Variants in BICD2 observed in about 807,000 individuals in gnomAD.
The protein encoded by BICD2 is BICD cargo adaptor 2.
A neutral mutation model predicts 72.9 loss-of-function variants in BICD2; 25 were observed. That is an observed-to-expected ratio of 0.34 (90% CI 0.25 to 0.48). BICD2 has a LOEUF of 0.48. Among genes scored for constraint, BICD2 ranks in the 20% least tolerant of loss-of-function variants. The pLI, the probability that BICD2 is intolerant of heterozygous loss-of-function variation, is 0.99. For missense variants in BICD2, 894 were observed against 1,175.2 expected (o/e 0.76, Z 3.50); for synonymous variants, 501 against 516.1 (o/e 0.97, Z 0.40).
Position 92,713,638 on chromosome 9 carries a change from G to A in BICD2, c.*1516C>T, listed in dbSNP as rs1375658969. On this transcript the variant is annotated 3_prime_UTR_variant, in exon 7 of 7. Transcript: ENST00000356884. ...TGGGTGTCTGCAAAGTCCCTTAGGA[G>A]TATGGAGAGAAGCTATGTGCCAGGC... The A allele has an allele frequency of 2.0e-6, 3 of 1,480,036 alleles. No individual in the cohort carries two copies. Among genetic ancestry groups the A allele is most frequent in the Admixed American group, 4.3e-5 (2 of 46,834 alleles). The allele number at this position is 1,480,036 out of a possible 1,614,324, so 91.7% of individuals were successfully genotyped here.
intron 1 of BICD2, among the ~76,000 whole-genome samples, chr9:92,761,057 C>A (rs1854361016): frequency 6.6e-6 from 1 of 152,152 alleles, no homozygotes; most frequent in Admixed American, 6.5e-5. Flanking sequence ...GGGAACAGGG[C>A]TCAGCAAGTC....
intron 2 of BICD2, among the ~76,000 whole-genome samples, chr9:92,723,144 A>G (rs1853498592): frequency 6.6e-6 from 1 of 152,218 alleles, no homozygotes; most frequent in Admixed American, 6.5e-5. Flanking sequence ...AGTAGTGCGC[A>G]GGTGGGCATA....
chr9:92,729,027 C>T lies in BICD2; in HGVS notation c.450G>A (p.Lys150=). The T allele has an allele frequency of 6.2e-7, 1 of 1,613,950 alleles. No homozygotes were observed. The highest frequency in any genetic ancestry group is 1.1e-5 in the South Asian group (1 of 91,072). The change falls in exon 2 of 7, where the codon AAG becomes AAA. Residue 150 remains lysine, a synonymous_variant. Transcript: ENST00000356884. ...AGGCCCCTCCTCACCCCCTCACCTC[C>T]TTCAGCTCCTGGGCCACAGAGGCCA... The part of the protein sequence containing the change: ...ERLASVAQEL[K]EINQNVEIQR...
rs1444368279 is a variant in BICD2 at position 92,718,560 on chromosome 9, A to C, written c.2085T>G (p.Thr695=). Residue 695 remains threonine (T), a synonymous_variant, in exon 5 of 7, where the codon ACT becomes ACG. Transcript: ENST00000356884. ...TKREQITTLR[T]VLKANKQTAE... is the part of the protein sequence containing the mutation. The stretch of plus-strand genomic sequence containing the variant: ...TCACCTGCTTGTTGGCCTTGAGCAC[A>C]GTGCGCAGCGTGGTGATCTGCTCCC... The C allele has an allele frequency of 6.2e-7, 1 of 1,611,890 alleles. No homozygotes were observed. Among genetic ancestry groups the C allele is most frequent in the Non-Finnish European group, 8.5e-7 (1 of 1,179,312 alleles).
At chr9:92,718,066 C>T in intron 5 of BICD2, 118 bp from the exon 6 acceptor site, 1 of 1,277,538 alleles carries the variant, frequency 7.8e-7, no homozygotes, top group Non-Finnish European at 1.1e-6. Flanking sequence ...GAAGAAAGCT[C>T]CTGGGAGGCC....
chr9:92,715,919 C>T (rs1853302623), intron 6 of BICD2, among the ~76,000 whole-genome samples: 1 of 152,204 alleles, frequency 6.6e-6, no homozygotes, highest in Admixed American at 6.5e-5. Flanking sequence ...CAGGACTGGG[C>T]TTGTTCCCAA....
At position 92,715,232 on chromosome 9, in the gene BICD2, A is replaced by G. The variant is rs1853278510; in HGVS notation, c.2490T>C (p.Cys830=). The G allele has an allele frequency of 6.2e-7, 1 of 1,613,162 alleles. No individual in the cohort carries two copies. The highest frequency in any genetic ancestry group is 1.3e-5 in the African/African-American group (1 of 74,958). Residue 830 remains cysteine (C), a synonymous_variant, in exon 7 of 7, where the codon TGT becomes TGC. Coordinates refer to ENST00000356884, the MANE Select transcript of BICD2 (RefSeq NM_001003800.2). ...CGGTGCCCTCGGCCCTGTCGCTGGC[A>G]CAGGCACAGGTGTGACTTACGCTCG... ...ATPSVSHTCA[C]ASDRAEGTGL...
At chr9:92,729,854 C>T (rs1377135521) in intron 1 of BICD2, among the ~76,000 whole-genome samples, 3 of 152,342 alleles carry the variant, frequency 2.0e-5, no homozygotes, top group Admixed American at 6.5e-5. Flanking sequence ...ACAAGGGGCG[C>T]GGGGGCTGCA....
At chr9:92,755,378 C>T (rs1157465053) in intron 1 of BICD2, among the ~76,000 whole-genome samples, 1 of 152,196 alleles carries the variant, frequency 6.6e-6, no homozygotes, top group African/African-American at 2.4e-5. Flanking sequence ...CCTCCACTTG[C>T]CTCATGATAT....
At chr9:92,755,468 A>T (rs1364553807) in intron 1 of BICD2, among the ~76,000 whole-genome samples, 1 of 152,072 alleles carries the variant, frequency 6.6e-6, no homozygotes. Flanking sequence ...CTCCCTAATA[A>T]AAACTTGCTG....
chr9:92,717,564 T>C (rs1372136824), intron 6 of BICD2, among the ~76,000 whole-genome samples: 2 of 152,208 alleles, frequency 1.3e-5, no homozygotes, highest in African/African-American at 2.4e-5. Context: ...GTGGCCCCCA[T>C]ATCGCCTCAC....
At chr9:92,745,768 A>T (rs1853998914) in intron 1 of BICD2, among the ~76,000 whole-genome samples, 4 of 152,090 alleles carry the variant, frequency 2.6e-5, no homozygotes, top group Admixed American at 2.6e-4. Context: ...ACACATCTCC[A>T]TAAACGTTTC....
At chr9:92,763,406 G>A (rs1258281431) in intron 1 of BICD2, among the ~76,000 whole-genome samples, 3 of 152,106 alleles carry the variant, frequency 2.0e-5, no homozygotes, top group Non-Finnish European at 4.4e-5. Context: ...ACTCCTGACC[G>A]CACACCAGTC....
At chr9:92,760,925 G>C (rs1016940765) in intron 1 of BICD2, among the ~76,000 whole-genome samples, 17 of 152,340 alleles carry the variant, frequency 1.1e-4, no homozygotes, top group African/African-American at 4.1e-4. Flanking sequence ...GACTTTTCCT[G>C]CTCTGGAAGC....
chr9:92,743,476 C>G (rs956527748), intron 1 of BICD2, among the ~76,000 whole-genome samples: 3 of 151,322 alleles, frequency 2.0e-5, no homozygotes, highest in African/African-American at 7.3e-5. Flanking sequence ...ATTATACGCA[C>G]AAGATACCGT....
chr9:92,718,297 G>A (rs995119476), intron 5 of BICD2, among the ~76,000 whole-genome samples: 22 of 152,202 alleles, frequency 1.4e-4, no homozygotes, highest in Admixed American at 4.6e-4. Context: ...CAAGGGCAGC[G>A]GCATTTCTCA....
intron 1 of BICD2, among the ~76,000 whole-genome samples, chr9:92,755,842 G>A (rs971740288): frequency 4.6e-5 from 7 of 152,162 alleles, no homozygotes; most frequent in South Asian, 2.1e-4. Context: ...AAGCAGCTGC[G>A]TCCTGGGCCT....
chr9:92,711,967 T>G lies in BICD2; in HGVS notation c.*3187A>C, dbSNP rs1334393125. 1 of 151,766 alleles carries G rather than the reference T, an allele frequency of 6.6e-6. No homozygotes were observed. The highest frequency in any genetic ancestry group is 1.5e-5 in the Non-Finnish European group (1 of 67,824). 9.4% of individuals were successfully genotyped at this position (151,766 alleles called of 1,614,324 possible). On this transcript the variant is annotated 3_prime_UTR_variant, in exon 7 of 7. Transcript: ENST00000356884. ...GATGTAGACCTGGTTTGCTAAGGAG[T>G]TTTAATGAGTTCTGTTTCCTGAAAT...
chr9:92,727,728 C>T (rs1010260098), intron 2 of BICD2, among the ~76,000 whole-genome samples: 1 of 152,180 alleles, frequency 6.6e-6, no homozygotes, highest in Non-Finnish European at 1.5e-5. Flanking sequence ...GTCGTCTCAG[C>T]CTCACTTTTG....
Sources: allele counts gnomAD v4.1 joint callset (sites outside exome capture counted in the v4.1 genomes callset), GRCh38; gene constraint gnomAD v4.1.1; transcripts MANE v1.5; gene names NCBI Gene and HGNC (gene_info 2026-07-23, HGNC 2026-07-21).